STRN: variants seen among roughly 807,000 people sequenced by gnomAD.
STRN encodes protein phosphatase 2 regulatory subunit B'''alpha.
STRN carries 53 observed loss-of-function variants against 96.3 expected under a neutral mutation model. That is an observed-to-expected ratio of 0.55 (90% confidence interval 0.44 to 0.69). STRN has a LOEUF of 0.69. Among genes scored for constraint, STRN ranks in the 30% least tolerant of loss-of-function variants. STRN has a pLI of 0.00. For missense variants in STRN, 987 were observed against 963.9 expected (o/e 1.02, Z -0.32); for synonymous variants, 428 against 355.9 (o/e 1.20, Z -2.28).
intron 9 of STRN, among the ~76,000 whole-genome samples, chr2:36,878,483 G>A (rs757105906): frequency 7.2e-5 from 11 of 152,070 alleles, no homozygotes; most frequent in Non-Finnish European, 8.8e-5. Context: ...TCTTAAATGT[G>A]CCTATTTATG....
intron 1 of STRN, among the ~76,000 whole-genome samples, chr2:36,960,981 T>C (rs2148281347): frequency 6.6e-6 from 1 of 152,016 alleles, no homozygotes; most frequent in East Asian, 1.9e-4. Flanking sequence ...AGTGCAGCCT[T>C]GATCTCCAGG....
At chr2:36,898,234 A>ATGCCAGCATCCCACAGAAATCAC (rs1669594394) in intron 6 of STRN, among the ~76,000 whole-genome samples, 1 of 152,240 alleles carries the variant, frequency 6.6e-6, no homozygotes, top group Non-Finnish European at 1.5e-5. Context: ...TAATATCTCA[A>ATGCCAGCATCCCACAGAAATCAC]TGCCAGCATC....
rs1289100227 is a variant in STRN at position 36,847,287 on chromosome 2, A to T, written c.*2169T>A. On this transcript the variant is annotated 3_prime_UTR_variant, in exon 18 of 18. Coordinates refer to ENST00000263918, the MANE Select transcript of STRN (RefSeq NM_003162.4). ...TGGTTTTTAGAATTTCAGTGACATT[A>T]ATAAAGCAGTAACTGAAGATCTTAG... The T allele has an allele frequency of 6.6e-6, 1 of 152,190 alleles. No homozygotes were observed. Among genetic ancestry groups the T allele is most frequent in the East Asian group, 1.9e-4 (1 of 5,192 alleles). 9.4% of individuals were successfully genotyped at this position (152,190 alleles called of 1,614,324 possible). A position where few individuals can be genotyped will look rare whatever the true frequency, so the allele number is the denominator to read the frequency against.
At chr2:36,901,305 T>G (rs1028291645) in intron 5 of STRN, among the ~76,000 whole-genome samples, 2 of 152,192 alleles carry the variant, frequency 1.3e-5, no homozygotes, top group African/African-American at 4.8e-5. Flanking sequence ...GTAATCCCAG[T>G]ACTTCAGGAG....
intron 1 of STRN, among the ~76,000 whole-genome samples, chr2:36,960,844 T>A (rs1665011231): frequency 6.6e-6 from 1 of 152,156 alleles, no homozygotes; most frequent in African/African-American, 2.4e-5. Flanking sequence ...TTCTCAGCTG[T>A]CCTATGAGGC....
chr2:36,878,035 G>A lies in STRN; in HGVS notation c.1187-8C>T, dbSNP rs17020024. ...GAAATGTCAATGCTTCCACTGAAGA[G>A]GGAAGACAAAGGAAACATTAAAAAA... On this transcript the variant is annotated splice_polypyrimidine_tract_variant and splice_region_variant and intron_variant, in intron 9 of 17. Transcript: ENST00000263918. 0.033 allele frequency: 53,864 copies of A among 1,612,476 alleles called. 1,576 individuals carry two copies. Among genetic ancestry groups the A allele is most frequent in the African/African-American group, 0.1 (7,467 of 74,922 alleles).
chr2:36,845,974 G>GC lies in STRN; in HGVS notation c.*3481dup, dbSNP rs1404993082. 14 of 100,758 alleles carry GC rather than the reference G, an allele frequency of 1.4e-4. No homozygotes were observed. Among genetic ancestry groups the GC allele is most frequent in the Admixed American group, 4.3e-4 (4 of 9,200 alleles). The allele number at this position is 100,758 out of a possible 1,614,324, so 6.2% of individuals were successfully genotyped here. A position where few individuals can be genotyped will look rare whatever the true frequency, so the allele number is the denominator to read the frequency against. ...ACACTAACTCTCTCTCTCTCTCTGT[G>GC]CCCCCCCTCCCACCCCCTCCCCAAA... On this transcript the variant is annotated 3_prime_UTR_variant, in exon 18 of 18. Coordinates refer to ENST00000263918, the MANE Select transcript of STRN (RefSeq NM_003162.4).
At chr2:36,945,494 C>T (rs758683079) in intron 1 of STRN, among the ~76,000 whole-genome samples, 3 of 152,030 alleles carry the variant, frequency 2.0e-5, no homozygotes, top group Admixed American at 6.6e-5. Context: ...AGTGAAACTC[C>T]GTCTCAACTA....
At chr2:36,878,674 C>T (rs1228397804) in intron 9 of STRN, among the ~76,000 whole-genome samples, 3 of 152,074 alleles carry the variant, frequency 2.0e-5, no homozygotes, top group African/African-American at 7.2e-5. Context: ...ATTCACTGAG[C>T]TGTACCCTTA....
intron 2 of STRN, among the ~76,000 whole-genome samples, chr2:36,922,845 C>G (rs1280355990): frequency 6.6e-6 from 1 of 152,190 alleles, no homozygotes; most frequent in Admixed American, 6.5e-5. Context: ...CTTTCATCTT[C>G]CAGATGAAAA....
At chr2:36,897,868 T>A (rs980002621) in intron 6 of STRN, among the ~76,000 whole-genome samples, 6 of 152,138 alleles carry the variant, frequency 3.9e-5, no homozygotes, top group African/African-American at 1.4e-4. Context: ...AAAAAATTTT[T>A]TTTTTAGATA....
chr2:36,845,328 G>A lies in STRN; in HGVS notation c.*4128C>T, dbSNP rs1490738499. 2 of 151,960 alleles carry A rather than the reference G, an allele frequency of 1.3e-5. No homozygotes were observed. The highest frequency in any genetic ancestry group is 1.3e-4 in the Admixed American group (2 of 15,250). 9.4% of individuals were successfully genotyped at this position (151,960 alleles called of 1,614,324 possible). A position where few individuals can be genotyped will look rare whatever the true frequency, so the allele number is the denominator to read the frequency against. On this transcript the variant is annotated 3_prime_UTR_variant, in exon 18 of 18. Transcript: ENST00000263918. ...CATCTTAATACAATATAACTTAAAT[G>A]ACAAAGCCTGAGAAAAGCACCAACA...
chr2:36,964,475 T>C (rs1665108291), intron 1 of STRN, among the ~76,000 whole-genome samples: 1 of 152,198 alleles, frequency 6.6e-6, no homozygotes, highest in Non-Finnish European at 1.5e-5. Context: ...TCTGTAAGTA[T>C]TCAAATTTGT....
intron 3 of STRN, 50 bp downstream of exon 3, chr2:36,916,028 T>C (rs557044824): frequency 2.0e-6 from 3 of 1,474,820 alleles, no homozygotes; most frequent in African/African-American, 1.4e-5. Flanking sequence ...TAGAAAATAC[T>C]AGACATTAAC....
chr2:36,966,288 T>G lies in STRN; in HGVS notation c.176A>C (p.Glu59Ala). 1 of 1,581,406 alleles carries G rather than the reference T, an allele frequency of 6.3e-7. No individual in the cohort carries two copies. Among genetic ancestry groups the G allele is most frequent in the Non-Finnish European group, 8.6e-7 (1 of 1,166,376 alleles). ...LPGILHFLQH[E>A]WARFEVERAQ... is the part of the protein sequence containing the mutation. ...TCTCTCCACCTCGAAGCGGGCCCAC[T>G]CGTGCTGCAGGAAGTGCAGGATCCC... The change falls in exon 1 of 18, where the codon GAG (glutamate) becomes GCG (alanine). Residue 59 changes from glutamate to alanine, a missense_variant. Physicochemically the swap from Glu to Ala is moderately radical, Grantham distance 107 (BLOSUM62 -1). Transcript: ENST00000263918.
chr2:36,950,065 G>A (rs912518818), intron 1 of STRN, among the ~76,000 whole-genome samples: 3 of 151,928 alleles, frequency 2.0e-5, no homozygotes, highest in Admixed American at 6.6e-5. Context: ...GATGAGACTA[G>A]TAAAAAAAAC....
chr2:36,957,114 C>T (rs1018866232), intron 1 of STRN, among the ~76,000 whole-genome samples: 9 of 152,336 alleles, frequency 5.9e-5, no homozygotes, highest in South Asian at 2.1e-4. Flanking sequence ...AAAAATCAAA[C>T]ACCCTACCCC....
At chr2:36,854,180 T>C (rs1318912842) in intron 15 of STRN, among the ~76,000 whole-genome samples, 1 of 152,202 alleles carries the variant, frequency 6.6e-6, no homozygotes, top group African/African-American at 2.4e-5. Context: ...AATGTTCTCA[T>C]CCTTTCTAAT....
intron 7 of STRN, 27 bp from the exon 8 acceptor site, chr2:36,886,853 G>C (rs539175306): frequency 8.3e-6 from 13 of 1,572,840 alleles, no homozygotes; most frequent in African/African-American, 1.4e-5. Context: ...AAATGAAACA[G>C]CCTTTTTCAA....
Sources: gnomAD v4.1 joint callset for allele counts (sites outside exome capture counted in the v4.1 genomes callset) on GRCh38, gnomAD v4.1.1 for gene constraint, MANE v1.5 for transcripts, NCBI Gene and HGNC (gene_info 2026-07-23, HGNC 2026-07-21) for gene names.